Variants in MAD2L2 observed in about 807,000 individuals in gnomAD.
MAD2L2 encodes mitotic spindle assembly checkpoint protein MAD2B.
Under a neutral mutation model 30.5 loss-of-function variants are expected in MAD2L2, and 17 were observed. The ratio of observed to expected loss-of-function variants is 0.56; its 90% CI spans 0.38 to 0.84. MAD2L2 has a LOEUF of 0.84. Among genes scored for constraint, MAD2L2 ranks in the 40% least tolerant of loss-of-function variants. MAD2L2 has a pLI of 0.00. For missense variants in MAD2L2, 213 were observed against 277.4 expected (o/e 0.77, Z 1.65); for synonymous variants, 101 against 113.9 (o/e 0.89, Z 0.72).
chr1:11,679,954 G>T (rs1270646606), intron 3 of MAD2L2, among the ~76,000 whole-genome samples: 1 of 151,242 alleles, frequency 6.6e-6, no homozygotes, highest in Non-Finnish European at 1.5e-5. Flanking sequence ...GGGCCCTGCG[G>T]AATGAGGTGG....
chr1:11,682,813 A>G (rs1198594697), upstream of MAD2L2, among the ~76,000 whole-genome samples: 4 of 152,076 alleles, frequency 2.6e-5, no homozygotes, highest in Non-Finnish European at 5.9e-5. Flanking sequence ...CATCCATCCA[A>G]AGGGATGGAT....
rs1342200271 is a variant in MAD2L2, at chr1:11,680,412, G to A, written c.100C>T (p.Arg34Cys). 6.2e-7 allele frequency: 1 copy of A among 1,613,900 alleles called. No homozygotes were observed. The highest frequency in any genetic ancestry group is 2.2e-5 in the East Asian group (1 of 44,864). ...EVAVHLILYV[R>C]EVYPVGIFQK... ...AAGATGCCCACGGGGTAGACCTCGC[G>A]CACGTAGAGGATGAGATGCACAGCC... Residue 34 changes from arginine (R) to cysteine (C), a missense_variant, in exon 3 of 9, where the codon CGC becomes TGC. Physicochemically the swap from Arg to Cys is radical, Grantham distance 180 (BLOSUM62 -3). Transcript: ENST00000376692.
chr1:11,688,288 G>A lies in MAD2L2; in HGVS notation c.-692+3125C>T, dbSNP rs1234099690. On this transcript the variant is annotated intron_variant, in intron 1 of 10. Transcript: ENST00000235310. This position sits in a 1 kb window ranked among gnomAD's most constrained non-coding sequence, Gnocchi z 4.6. ...GGAATCAGCACACGTGGCCGGGCAC[G>A]GTGGCTCATGCCTGTAATCCCAGAA... Among the ~76,000 whole-genome samples the A allele has an allele frequency of 6.6e-6, 1 of 152,156 alleles. No homozygotes were observed. Among genetic ancestry groups the A allele is most frequent in the Non-Finnish European group, 1.5e-5 (1 of 68,040 alleles).
Position 11,680,473 on chromosome 1 carries a change from T to C in MAD2L2, c.41-2A>G. On this transcript the variant is annotated splice_acceptor_variant, in intron 2 of 8. Transcript: ENST00000376692. LOFTEE classifies it high-confidence loss of function. ...ACTCGCAGAGCACATCGGCCACCACTGCAGGGGGGCACAAGCCGGTGGCGC... is the reference window on the plus strand; with the variant it reads ...ACTCGCAGAGCACATCGGCCACCACCGCAGGGGGGCACAAGCCGGTGGCGC... 6.2e-7 allele frequency: 1 copy of C among 1,613,046 alleles called. No individual in the cohort carries two copies. Among genetic ancestry groups the C allele is most frequent in the Non-Finnish European group, 8.5e-7 (1 of 1,179,584 alleles).
intron 1 of MAD2L2, among the ~76,000 whole-genome samples, chr1:11,689,958 G>T (rs1349109825): frequency 1.3e-5 from 2 of 151,758 alleles, no homozygotes; most frequent in Non-Finnish European, 2.9e-5. Flanking sequence ...CTTTGCAGTG[G>T]CTCTTCTGCT....
At position 11,680,290 on chromosome 1, in the gene MAD2L2, C is replaced by T; in HGVS notation, c.159+63G>A. 3 of 1,399,358 alleles carry T rather than the reference C, an allele frequency of 2.1e-6. No homozygotes were observed. In the South Asian group the frequency reaches 3.7e-5, roughly 17 times the overall value. The allele number at this position is 1,399,358 out of a possible 1,614,324, so 86.7% of individuals were successfully genotyped here. ...GGATTACAGGCGTGAGCCACGGCGC[C>T]CGACCAAAGAATTTTTAAAAGTCCA... On this transcript the variant is annotated intron_variant, in intron 3 of 8. Coordinates refer to ENST00000376692, the MANE Select transcript of MAD2L2 (RefSeq NM_006341.4).
Position 11,690,163 on chromosome 1 carries a change from C to T in MAD2L2, c.-692+1250G>A, listed in dbSNP as rs925763440. ...GACATCATTTATATTTATTTGTTCA[C>T]TTATCTTCTGTCTCCTTCACTAGAA... On this transcript the variant is annotated intron_variant, in intron 1 of 10. Transcript: ENST00000235310. The surrounding 1 kb of genome is among the most constrained non-coding windows in gnomAD (Gnocchi z 4.2). 3.9e-5 allele frequency among the ~76,000 whole-genome samples: 6 copies of T among 152,074 alleles called. No individual in the cohort carries two copies. The highest frequency in any genetic ancestry group is 6.6e-5 in the Admixed American group (1 of 15,266).
chr1:11,677,681 G>A, intron 3 of MAD2L2, 67 bp from the exon 4 acceptor site: 2 of 1,353,424 alleles, frequency 1.5e-6, no homozygotes. Flanking sequence ...AACACAACCA[G>A]GAGCCTAAGG....
chr1:11,684,641 C>T (rs1640928836), upstream of MAD2L2, among the ~76,000 whole-genome samples: 2 of 152,224 alleles, frequency 1.3e-5, no homozygotes, highest in Middle Eastern at 3.4e-3. Flanking sequence ...GTGAGTGAAC[C>T]GGGCAATGAA....
chr1:11,678,516 T>G, intron 3 of MAD2L2, among the ~76,000 whole-genome samples: 1 of 152,246 alleles, frequency 6.6e-6, no homozygotes, highest in East Asian at 1.9e-4. Context: ...GAAAAATCCC[T>G]AAAGTTGTAT....
chr1:11,685,503 G>A (rs1640942638), upstream of MAD2L2, among the ~76,000 whole-genome samples: 1 of 152,182 alleles, frequency 6.6e-6, no homozygotes, highest in South Asian at 2.1e-4. Flanking sequence ...TGTCCAACCT[G>A]CTGCTTCTCT....
chr1:11,687,295 G>A lies in MAD2L2; in HGVS notation c.-692+4118C>T, dbSNP rs188322352. On this transcript the variant is annotated intron_variant, in intron 1 of 10. Transcript: ENST00000235310. The surrounding 1 kb of genome is among the most constrained non-coding windows in gnomAD (Gnocchi z 4.1). Reference sequence around the variant, plus strand: ...CTCTCTGCCACCCAGGCTGGAGGGCGGTGGTGCAATCTCGGCTCAATGAAA... The same window carrying A: ...CTCTCTGCCACCCAGGCTGGAGGGCAGTGGTGCAATCTCGGCTCAATGAAA... Among the ~76,000 whole-genome samples the A allele has an allele frequency of 1.9e-4, 29 of 152,128 alleles. No homozygotes were observed. In the East Asian group the frequency reaches 5.2e-3, roughly 27 times the overall value.
Position 11,676,965 on chromosome 1 carries a change from C to T in MAD2L2, c.232-17G>A, listed in dbSNP as rs768144340. Reference sequence around the variant, plus strand: ...CACATCATTCTGCAAAGAGAGGAACCCCCACTGCAGAGCCAGGCACCCCAC... The same window carrying T: ...CACATCATTCTGCAAAGAGAGGAACTCCCACTGCAGAGCCAGGCACCCCAC... On this transcript the variant is annotated splice_polypyrimidine_tract_variant and intron_variant, in intron 4 of 8. Coordinates refer to ENST00000376692, the MANE Select transcript of MAD2L2 (RefSeq NM_006341.4). The T allele has an allele frequency of 1.1e-4, 181 of 1,593,220 alleles. No individual in the cohort carries two copies. Among genetic ancestry groups the T allele is most frequent in the Middle Eastern group, 5.0e-4 (3 of 6,048 alleles).
intron 3 of MAD2L2, 23 bp from the exon 4 acceptor site, chr1:11,677,637 C>G (rs372156161): frequency 1.3e-5 from 21 of 1,603,780 alleles, no homozygotes; most frequent in Non-Finnish European, 1.8e-5. Context: ...CCATGCGGCT[C>G]GTGAGGCCCA....
At position 11,677,373 on chromosome 1, in the gene MAD2L2, G is replaced by C. The variant is rs1570286213; in HGVS notation, c.231+170C>G. 4 of 678,596 alleles carry C rather than the reference G, an allele frequency of 5.9e-6. No homozygotes were observed. In the Admixed American group the frequency reaches 1.1e-4, roughly 19 times the overall value. 42.0% of individuals were successfully genotyped at this position (678,596 alleles called of 1,614,324 possible). ...ACATGGCCCGCATGCCTTGGGGCCT[G>C]CCCCTGGGTTGGGATGGTCTCCAGA... On this transcript the variant is annotated intron_variant, in intron 4 of 8. Coordinates refer to ENST00000376692, the MANE Select transcript of MAD2L2 (RefSeq NM_006341.4).
intron 1 of MAD2L2, among the ~76,000 whole-genome samples, chr1:11,686,250 C>T (rs1260011638): frequency 6.6e-6 from 1 of 152,214 alleles, no homozygotes; most frequent in Admixed American, 6.5e-5. Context: ...CCTCTCCGCT[C>T]TCATCTGCCT....
chr1:11,675,257 A>AGG, intron 7 of MAD2L2, 83 bp from the exon 8 acceptor site: 1 of 905,254 alleles, frequency 1.1e-6, no homozygotes, highest in Non-Finnish European at 1.7e-6. Flanking sequence ...ACTCCAGACC[A>AGG]GGGGCCTCCA....
chr1:11,677,531 GT>G lies in MAD2L2; in HGVS notation c.231+11del. On this transcript the variant is annotated intron_variant, in intron 4 of 8. Coordinates refer to ENST00000376692, the MANE Select transcript of MAD2L2 (RefSeq NM_006341.4). ...TGGGGTGAGATGGCTGGGGAGCCCA[GT>G]GCACCCTCACCTTCTCCAGGAGTGG... 1 of 1,613,330 alleles carries G rather than the reference GT, an allele frequency of 6.2e-7. No individual in the cohort carries two copies. Among genetic ancestry groups the G allele is most frequent in the Non-Finnish European group, 8.5e-7 (1 of 1,179,454 alleles).
upstream of MAD2L2, among the ~76,000 whole-genome samples, chr1:11,684,426 G>A (rs139107199): frequency 2.2e-4 from 33 of 152,288 alleles, no homozygotes; most frequent in African/African-American, 7.0e-4. Context: ...CGGCTGGGAA[G>A]GAAGGATGGG....
Sources: allele counts gnomAD v4.1 joint callset (sites outside exome capture counted in the v4.1 genomes callset), GRCh38; gene constraint gnomAD v4.1.1; non-coding constraint Gnocchi (gnomAD v3.1); transcripts MANE v1.5; gene names NCBI Gene and HGNC (gene_info 2026-07-23, HGNC 2026-07-21).